Variants in ZFHX3 observed in about 807,000 individuals in gnomAD.
ZFHX3 encodes the protein zinc finger homeobox protein 3.
A neutral mutation model predicts 279.1 loss-of-function variants in ZFHX3; 42 were observed. The observed-to-expected ratio is 0.15, with a 90% CI of 0.12 to 0.19. The LOEUF (loss-of-function observed/expected upper bound fraction) is 0.19, where lower values mean the gene tolerates loss of function less well. ZFHX3 is among the 10% of genes least tolerant of loss of function. The pLI is 1.00. For missense variants in ZFHX3, 4,981 were observed against 4,754.0 expected (o/e 1.05, Z -1.40); for synonymous variants, 2,293 against 1,957.8 (o/e 1.17, Z -4.52).
At chr16:73,077,401 C>T (rs148681565) in intron 8 of ZFHX3, among the ~76,000 whole-genome samples, 20 of 151,766 alleles carry the variant, frequency 1.3e-4, no homozygotes, top group African/African-American at 4.6e-4. Flanking sequence ...TAGGACACTG[C>T]GCACTTCCCT....
At chr16:73,067,380 G>T (rs917181638) in intron 8 of ZFHX3, among the ~76,000 whole-genome samples, 4 of 152,060 alleles carry the variant, frequency 2.6e-5, no homozygotes, top group Admixed American at 1.3e-4. Flanking sequence ...TGCCACGGGC[G>T]CTCCTCCACC....
chr16:73,265,028 A>T (rs1280942970), intron 4 of ZFHX3, among the ~76,000 whole-genome samples: 3 of 150,494 alleles, frequency 2.0e-5, no homozygotes, highest in Non-Finnish European at 4.4e-5. Flanking sequence ...ATATATATAT[A>T]TATATAACAC....
intron 5 of ZFHX3, among the ~76,000 whole-genome samples, chr16:73,229,663 C>T (rs1245616669): frequency 2.0e-5 from 3 of 152,066 alleles, no homozygotes; most frequent in Non-Finnish European, 4.4e-5. Context: ...GGACTAGTAA[C>T]TCATGCTTTT....
intron 2 of ZFHX3, chr16:73,486,907 G>C: frequency 2.2e-6 from 1 of 454,308 alleles, no homozygotes; most frequent in South Asian, 1.6e-5. Flanking sequence ...GTAACACTAA[G>C]GCAAATTCTT....
intron 1 of ZFHX3, among the ~76,000 whole-genome samples, chr16:73,749,423 C>G (rs750797527): frequency 6.6e-5 from 10 of 152,112 alleles, no homozygotes; most frequent in Admixed American, 5.9e-4. Flanking sequence ...TATTATAGAC[C>G]CATCTCATCT....
chr16:73,409,207 A>T (rs1033708930), intron 3 of ZFHX3, among the ~76,000 whole-genome samples: 2 of 152,178 alleles, frequency 1.3e-5, no homozygotes, highest in African/African-American at 4.8e-5. Flanking sequence ...GCCAGGAGAA[A>T]ATGTCCTGAC....
intron 4 of ZFHX3, among the ~76,000 whole-genome samples, chr16:73,300,898 G>C (rs2015041366): frequency 6.6e-6 from 1 of 152,228 alleles, no homozygotes; most frequent in South Asian, 2.1e-4. Flanking sequence ...TGCTGGAGCA[G>C]TCTCTGATCT....
At chr16:72,925,867 G>C (rs1177380351) in intron 3 of ZFHX3, among the ~76,000 whole-genome samples, 1 of 152,124 alleles carries the variant, frequency 6.6e-6, no homozygotes, top group Non-Finnish European at 1.5e-5. Context: ...AATGCAAAGA[G>C]GCACAGACTG....
chr16:73,479,388 G>A (rs1487057899), intron 2 of ZFHX3, among the ~76,000 whole-genome samples: 1 of 152,040 alleles, frequency 6.6e-6, no homozygotes, highest in Non-Finnish European at 1.5e-5. Context: ...TACAAGTCAC[G>A]AAACTCATTC....
chr16:73,040,573 G>A (rs747153334), intron 1 of ZFHX3, among the ~76,000 whole-genome samples: 6 of 152,106 alleles, frequency 3.9e-5, no homozygotes, highest in Admixed American at 2.6e-4. Flanking sequence ...GGGGTGGATG[G>A]GGGACACTGT....
intron 3 of ZFHX3, among the ~76,000 whole-genome samples, chr16:72,935,662 AG>A (rs1004328776): frequency 3.4e-5 from 5 of 147,120 alleles, no homozygotes; most frequent in Non-Finnish European, 6.0e-5. Flanking sequence ...TGAACTCGGG[AG>A]GGGGGGGTTG....
At chr16:73,851,373 G>A (rs984130646) in intron 1 of ZFHX3, among the ~76,000 whole-genome samples, 1 of 152,178 alleles carries the variant, frequency 6.6e-6, no homozygotes, top group Non-Finnish European at 1.5e-5. Flanking sequence ...CTCTCCTGAG[G>A]TTATCTTTGT....
chr16:73,641,130 T>C (rs903339783), intron 2 of ZFHX3, among the ~76,000 whole-genome samples: 12 of 152,192 alleles, frequency 7.9e-5, no homozygotes, highest in African/African-American at 2.2e-4. Context: ...AAGATATTTT[T>C]AGACAGTTAA....
chr16:73,157,567 C>A (rs1178524353), intron 5 of ZFHX3, among the ~76,000 whole-genome samples: 1 of 150,170 alleles, frequency 6.7e-6, no homozygotes, highest in Admixed American at 6.7e-5. Context: ...GGGGTCGAGT[C>A]ACTATCCCTT....
chr16:73,759,009 G>A (rs543149999), intron 1 of ZFHX3, among the ~76,000 whole-genome samples: 1 of 152,188 alleles, frequency 6.6e-6, no homozygotes, highest in Non-Finnish European at 1.5e-5. Context: ...TGATACCAAA[G>A]CCTCACTGTT....
intron 1 of ZFHX3, among the ~76,000 whole-genome samples, chr16:73,730,558 T>G (rs899077204): frequency 6.6e-6 from 1 of 152,040 alleles, no homozygotes; most frequent in Non-Finnish European, 1.5e-5. Flanking sequence ...CCCGGAGACA[T>G]CTAAATTCCA....
chr16:73,128,533 C>T (rs1435740065), intron 7 of ZFHX3, among the ~76,000 whole-genome samples: 1 of 152,102 alleles, frequency 6.6e-6, no homozygotes, highest in Non-Finnish European at 1.5e-5. Context: ...TTTTTCTTAA[C>T]CATTTTCCTA....
chr16:73,237,888 C>T (rs984195495), intron 5 of ZFHX3, among the ~76,000 whole-genome samples: 2 of 152,164 alleles, frequency 1.3e-5, no homozygotes, highest in African/African-American at 4.8e-5. Flanking sequence ...CCTTGAAAGT[C>T]AAGTTTACCC....
intron 2 of ZFHX3, among the ~76,000 whole-genome samples, chr16:73,532,238 G>T (rs1051706946): frequency 2.0e-5 from 3 of 152,160 alleles, no homozygotes; most frequent in Non-Finnish European, 2.9e-5. Context: ...AATCATGGGG[G>T]TGGTTCTCCC....
Sources: gnomAD v4.1 joint callset for allele counts (sites outside exome capture counted in the v4.1 genomes callset) on GRCh38, gnomAD v4.1.1 for gene constraint, MANE v1.5 for transcripts, NCBI Gene and HGNC (gene_info 2026-07-23, HGNC 2026-07-21) for gene names.